Variants in MACROD2 observed in about 807,000 individuals in gnomAD.
The protein encoded by MACROD2 is mono-ADP ribosylhydrolase 2, also known as ADP-ribose glycohydrolase MACROD2.
MACROD2 carries 36 observed loss-of-function variants against 70.4 expected under a neutral mutation model. That is an observed-to-expected ratio of 0.51 (90% CI 0.39 to 0.68). The LOEUF (loss-of-function observed/expected upper bound fraction) is 0.68, where lower values mean the gene tolerates loss of function less well. MACROD2 is among the 30% of genes least tolerant of loss of function. MACROD2 has a pLI of 0.00. For synonymous variants in MACROD2, 172 were observed against 178.8 expected, an observed-to-expected ratio of 0.96 and a Z score of 0.30; for missense variants, 496 against 538.4, an observed-to-expected ratio of 0.92 and a Z score of 0.78.
chr20:14,674,018 T>C (rs2123567101), intron 4 of MACROD2, among the ~76,000 whole-genome samples: 1 of 152,320 alleles, frequency 6.6e-6, no homozygotes, highest in South Asian at 2.1e-4. Flanking sequence ...CAAAGTGCTT[T>C]ATAAAATGTA....
intron 4 of MACROD2, among the ~76,000 whole-genome samples, chr20:14,556,613 A>T (rs1568668919): frequency 6.6e-6 from 1 of 152,062 alleles, no homozygotes; most frequent in Non-Finnish European, 1.5e-5. Flanking sequence ...TGCTAAACAG[A>T]ATTTGATCCC....
At chr20:14,667,358 A>T (rs143730937) in intron 4 of MACROD2, among the ~76,000 whole-genome samples, 1 of 152,194 alleles carries the variant, frequency 6.6e-6, no homozygotes, top group African/African-American at 2.4e-5. Flanking sequence ...ATGTCTTGAA[A>T]GGAACTGAAG....
chr20:15,594,966 A>G (rs1379383147), intron 8 of MACROD2, among the ~76,000 whole-genome samples: 1 of 152,018 alleles, frequency 6.6e-6, no homozygotes, highest in Admixed American at 6.6e-5. Flanking sequence ...TTGATTTCTT[A>G]GTGTTTTCTT....
At position 15,695,410 on chromosome 20, in the gene MACROD2, TC is replaced by T. The variant is rs377022242; in HGVS notation, c.646-167334del. Among the ~76,000 whole-genome samples, 561 of 114,708 alleles carry T rather than the reference TC, an allele frequency of 4.9e-3. 5 individuals carry two copies. Among genetic ancestry groups the T allele is most frequent in the Middle Eastern group, 0.01 (2 of 200 alleles). The allele number at this position is 114,708 out of a possible 152,430, so 75.3% of individuals were successfully genotyped here. A position where few individuals can be genotyped will look rare whatever the true frequency, so the allele number is the denominator to read the frequency against. On this transcript the variant is annotated intron_variant, in intron 8 of 17. Transcript: ENST00000684519. The stretch of plus-strand genomic sequence containing the variant: ...GATTTCTTTCTTTTTTTCTTCTTCT[TC>T]TTTTTTTTTTTTTGGAGACAGAGTC...
chr20:14,470,978 A>T (rs977488628), intron 3 of MACROD2, among the ~76,000 whole-genome samples: 1 of 152,050 alleles, frequency 6.6e-6, no homozygotes. Context: ...GTATGTAAAA[A>T]ACTCTTGCAG....
chr20:14,138,861 T>C (rs2054835192), intron 3 of MACROD2, among the ~76,000 whole-genome samples: 1 of 152,100 alleles, frequency 6.6e-6, no homozygotes, highest in South Asian at 2.1e-4. Flanking sequence ...GAAATCATTC[T>C]ACAATGTAAC....
intron 5 of MACROD2, among the ~76,000 whole-genome samples, chr20:14,764,742 A>G (rs1211343577): frequency 6.6e-6 from 1 of 152,154 alleles, no homozygotes; most frequent in African/African-American, 2.4e-5. Context: ...AGAATGTGAG[A>G]GTTCAGAATC....
At chr20:15,227,835 T>G (rs1368756468) in intron 5 of MACROD2, among the ~76,000 whole-genome samples, 14 of 143,218 alleles carry the variant, frequency 9.8e-5, no homozygotes, top group Admixed American at 1.4e-4. Context: ...TTTTTTTTTT[T>G]TTTTTTTTTT....
rs71190180 is a variant in MACROD2 at position 15,194,245 on chromosome 20, C to CAAAA, written c.419-35673_419-35670dup. Among the ~76,000 whole-genome samples the CAAAA allele has an allele frequency of 6.6e-3, 326 of 49,684 alleles. 30 individuals carry two copies. Among genetic ancestry groups the CAAAA allele is most frequent in the Middle Eastern group, 0.042 (1 of 24 alleles). 32.6% of individuals were successfully genotyped at this position (49,684 alleles called of 152,430 possible). A position where few individuals can be genotyped will look rare whatever the true frequency, so the allele number is the denominator to read the frequency against. ...TGGGTGACAGAGCGACACTCTGTCTCAAAAAAAAAAAAAAAAAAAAAAAAA... is the reference window on the plus strand; with the variant it reads ...TGGGTGACAGAGCGACACTCTGTCTCAAAAAAAAAAAAAAAAAAAAAAAAAAAAA... On this transcript the variant is annotated intron_variant, in intron 5 of 17. Coordinates refer to ENST00000684519, the MANE Select transcript of MACROD2 (RefSeq NM_001351661.2).
chr20:14,819,102 T>C (rs566207354), intron 5 of MACROD2, among the ~76,000 whole-genome samples: 1 of 151,574 alleles, frequency 6.6e-6, no homozygotes, highest in Non-Finnish European at 1.5e-5. Context: ...CCATTTCTAC[T>C]AAAAATACAG....
rs570545547 is a variant in MACROD2, at chr20:14,273,312, A to G, written c.271+187584A>G. Among the ~76,000 whole-genome samples, 745 of 152,112 alleles carry G rather than the reference A, an allele frequency of 4.9e-3. 1 individual carries two copies. The highest frequency in any genetic ancestry group is 1.0e-2 in the South Asian group (48 of 4,818). ...AAACTGTCTCTCAGACCACAGTGCA[A>G]TCAAACTAGAACTCAGGATTAAGAA... On this transcript the variant is annotated intron_variant, in intron 3 of 17. Transcript: ENST00000684519.
intron 3 of MACROD2, among the ~76,000 whole-genome samples, chr20:14,264,384 CAG>C (rs1440567775): frequency 6.6e-6 from 1 of 152,096 alleles, no homozygotes; most frequent in Non-Finnish European, 1.5e-5. Context: ...AAAACATAAG[CAG>C]GGGTGATTTC....
At chr20:14,315,056 T>A (rs1197815860) in intron 3 of MACROD2, among the ~76,000 whole-genome samples, 1 of 152,172 alleles carries the variant, frequency 6.6e-6, no homozygotes, top group Non-Finnish European at 1.5e-5. Context: ...AATTTAATAG[T>A]GTTCTGGTGT....
intron 3 of MACROD2, among the ~76,000 whole-genome samples, chr20:14,298,126 A>T (rs911491092): frequency 6.6e-6 from 1 of 152,070 alleles, no homozygotes; most frequent in Middle Eastern, 3.4e-3. Context: ...TTTTCAAAAT[A>T]TTACTGCTCA....
chr20:15,832,287 G>A (rs1427726758), intron 8 of MACROD2, among the ~76,000 whole-genome samples: 1 of 152,084 alleles, frequency 6.6e-6, no homozygotes, highest in African/African-American at 2.4e-5. Flanking sequence ...CACATTCCAG[G>A]GTCTGATCCT....
intron 3 of MACROD2, among the ~76,000 whole-genome samples, chr20:14,482,902 T>C (rs2084678774): frequency 6.6e-6 from 1 of 152,216 alleles, no homozygotes; most frequent in Admixed American, 6.5e-5. Context: ...TTACATGGCT[T>C]CAAATACTGG....
intron 5 of MACROD2, among the ~76,000 whole-genome samples, chr20:14,978,379 C>T (rs2122827977): frequency 6.6e-6 from 1 of 150,710 alleles, no homozygotes; most frequent in African/African-American, 2.4e-5. Context: ...CGCCCCGCCC[C>T]CCCCACTTTT....
chr20:14,382,322 AGTGCTGGGATTATAGGC>A (rs575905374), intron 3 of MACROD2, among the ~76,000 whole-genome samples: 6,692 of 151,686 alleles, frequency 0.044, 170 homozygotes, highest in Non-Finnish European at 0.047. Flanking sequence ...GGCCTCTCAA[AGTGCTGGGATTATAGGC>A]GTGAGCCACC....
intron 5 of MACROD2, among the ~76,000 whole-genome samples, chr20:15,033,197 T>C (rs2075288586): frequency 1.3e-5 from 2 of 152,184 alleles, no homozygotes; most frequent in South Asian, 4.1e-4. Flanking sequence ...CTGAATGGTA[T>C]GCTTAAAAAT....
Sources: gnomAD v4.1 joint callset for allele counts (sites outside exome capture counted in the v4.1 genomes callset) on GRCh38, gnomAD v4.1.1 for gene constraint, MANE v1.5 for transcripts, NCBI Gene and HGNC (gene_info 2026-07-23, HGNC 2026-07-21) for gene names.